The following HSD17B2 variants were observed in gnomAD, a reference collection of about 807,000 sequenced individuals.
The protein encoded by HSD17B2 is 17-beta-hydroxysteroid dehydrogenase type 2.
In HSD17B2, 32 loss-of-function variants were observed where a neutral mutation model predicts 26.9. The observed-to-expected ratio is 1.19, with a 90% CI of 0.90 to 1.60. The LOEUF (loss-of-function observed/expected upper bound fraction) is 1.60, where lower values mean the gene tolerates loss of function less well. HSD17B2 is among the 40% of genes most tolerant of loss of function. The pLI, the probability that HSD17B2 is intolerant of heterozygous loss-of-function variation, is 0.00. For synonymous variants in HSD17B2, 246 were observed against 186.7 expected, an observed-to-expected ratio of 1.32 and a Z score of -2.59; for missense variants, 613 against 468.6, an observed-to-expected ratio of 1.31 and a Z score of -2.85.
chr16:82,081,638 T>A (rs79364531), intron 3 of HSD17B2, among the ~76,000 whole-genome samples: 1 of 152,170 alleles, frequency 6.6e-6, no homozygotes, highest in East Asian at 1.9e-4. Flanking sequence ...GAGGCTTAAA[T>A]AAAATAATTC....
chr16:82,060,604 C>T (rs1210470703), intron 1 of HSD17B2, among the ~76,000 whole-genome samples: 1 of 152,212 alleles, frequency 6.6e-6, no homozygotes, highest in African/African-American at 2.4e-5. Flanking sequence ...AAATGAAATG[C>T]CTATTCAGAT....
At chr16:82,061,789 G>A (rs1385820650) in intron 1 of HSD17B2, among the ~76,000 whole-genome samples, 1 of 152,198 alleles carries the variant, frequency 6.6e-6, no homozygotes, top group Non-Finnish European at 1.5e-5. Context: ...TTGACTGTGA[G>A]CTTTTATTTC....
chr16:82,097,869 C>T, intron 4 of HSD17B2: 1 of 380,894 alleles, frequency 2.6e-6, no homozygotes, highest in Non-Finnish European at 4.6e-6. Context: ...ACTCTGGAGG[C>T]AGAGGTTGCA....
intron 1 of HSD17B2, among the ~76,000 whole-genome samples, chr16:82,045,848 C>G (rs1913909905): frequency 6.6e-6 from 1 of 152,244 alleles, no homozygotes; most frequent in African/African-American, 2.4e-5. Flanking sequence ...CTGCTGGGAC[C>G]ACTCTAGCCT....
At chr16:82,070,917 A>C in intron 2 of HSD17B2, 25 bp from the exon 3 acceptor site, 9 of 1,600,018 alleles carry the variant, frequency 5.6e-6, no homozygotes, top group Non-Finnish European at 7.7e-6. Context: ...CCAGACACTC[A>C]CTCATTATGG....
At chr16:82,038,849 C>T (rs927173118) in intron 1 of HSD17B2, among the ~76,000 whole-genome samples, 8 of 152,092 alleles carry the variant, frequency 5.3e-5, no homozygotes, top group Non-Finnish European at 4.4e-5. Flanking sequence ...CCTGGGCGGA[C>T]GTGGGGTGGT....
At chr16:82,065,148 G>A (rs1009767676) in intron 1 of HSD17B2, among the ~76,000 whole-genome samples, 2 of 152,162 alleles carry the variant, frequency 1.3e-5, no homozygotes, top group African/African-American at 2.4e-5. Context: ...AGTGTTTGTG[G>A]GATGCAAGGC....
intron 1 of HSD17B2, among the ~76,000 whole-genome samples, chr16:82,066,659 A>AT (rs1320732322): frequency 1.3e-5 from 2 of 151,886 alleles, no homozygotes; most frequent in African/African-American, 2.4e-5. Context: ...ATTTTATTTT[A>AT]TTTTTTTACA....
At chr16:82,046,202 C>T (rs1249344597) in intron 1 of HSD17B2, among the ~76,000 whole-genome samples, 2 of 152,050 alleles carry the variant, frequency 1.3e-5, no homozygotes, top group Non-Finnish European at 2.9e-5. Context: ...AGAATAAGGC[C>T]CTGCCTCATG....
At chr16:82,079,994 T>A (rs1304149183) in intron 3 of HSD17B2, among the ~76,000 whole-genome samples, 1 of 152,020 alleles carries the variant, frequency 6.6e-6, no homozygotes, top group South Asian at 2.1e-4. Context: ...AAGCACGTGG[T>A]TGCCCTGACC....
chr16:82,082,889 G>A (rs1904420965), intron 3 of HSD17B2, among the ~76,000 whole-genome samples: 1 of 152,160 alleles, frequency 6.6e-6, no homozygotes, highest in Admixed American at 6.5e-5. Flanking sequence ...AAGGTCAGAA[G>A]GGTTCAGTGA....
chr16:82,093,755 C>T (rs1904760305), intron 4 of HSD17B2: 1 of 152,162 alleles, frequency 6.6e-6, no homozygotes, highest in African/African-American at 2.4e-5. Flanking sequence ...AAAAGAATGC[C>T]TACTTCTTAG....
At chr16:82,069,854 G>T (rs920916140) in intron 2 of HSD17B2, among the ~76,000 whole-genome samples, 2 of 152,124 alleles carry the variant, frequency 1.3e-5, no homozygotes, top group African/African-American at 4.8e-5. Flanking sequence ...CTGAAACCAC[G>T]TGCAGGACCC....
intron 1 of HSD17B2, among the ~76,000 whole-genome samples, chr16:82,055,972 T>A (rs1252638326): frequency 2.0e-5 from 3 of 152,206 alleles, no homozygotes; most frequent in South Asian, 2.1e-4. Context: ...CAAGGGTTTG[T>A]CATCTCTGTT....
intron 1 of HSD17B2, among the ~76,000 whole-genome samples, chr16:82,046,008 A>T (rs1913915503): frequency 6.6e-6 from 1 of 152,182 alleles, no homozygotes; most frequent in African/African-American, 2.4e-5. Context: ...TTGCCTCCTG[A>T]GTCCCCATCT....
intron 1 of HSD17B2, among the ~76,000 whole-genome samples, chr16:82,047,145 C>T (rs1361179436): frequency 6.6e-6 from 1 of 152,228 alleles, no homozygotes; most frequent in Non-Finnish European, 1.5e-5. Flanking sequence ...CCTGATCTCC[C>T]TCCATTAGCA....
At chr16:82,037,428 A>G (rs910109720) in intron 1 of HSD17B2, among the ~76,000 whole-genome samples, 12 of 152,140 alleles carry the variant, frequency 7.9e-5, no homozygotes, top group Admixed American at 4.6e-4. Context: ...GTTTGGAATA[A>G]CCTTTGTTCC....
At chr16:82,047,549 T>A (rs1031972923) in intron 1 of HSD17B2, among the ~76,000 whole-genome samples, 1 of 152,102 alleles carries the variant, frequency 6.6e-6, no homozygotes, top group Non-Finnish European at 1.5e-5. Context: ...CAGGACAGTA[T>A]AATGTGTGAG....
At chr16:82,063,051 C>A (rs925935979) in intron 1 of HSD17B2, 3 of 152,266 alleles carry the variant, frequency 2.0e-5, no homozygotes, top group African/African-American at 7.2e-5. Context: ...GTCTTGCTGA[C>A]TGCCCATGCC....
Sources: gnomAD v4.1 joint callset for allele counts (sites outside exome capture counted in the v4.1 genomes callset) on GRCh38, gnomAD v4.1.1 for gene constraint, MANE v1.5 for transcripts, NCBI Gene and HGNC (gene_info 2026-07-23, HGNC 2026-07-21) for gene names.